Variants in NAV2 observed in about 807,000 individuals in gnomAD.
The protein encoded by NAV2 is helicase, APC down-regulated 1.
In NAV2, 54 loss-of-function variants were observed where a neutral mutation model predicts 223.2. The ratio of observed to expected loss-of-function variants is 0.24; its 90% CI spans 0.19 to 0.30. The LOEUF (loss-of-function observed/expected upper bound fraction) is 0.30. NAV2 is among the 10% of genes least tolerant of loss of function. The pLI is 1.00. For missense variants in NAV2, 2,806 were observed against 3,147.5 expected, an observed-to-expected ratio of 0.89 and a Z score of 2.60; for synonymous variants, 1,279 against 1,239.3, an observed-to-expected ratio of 1.03 and a Z score of -0.67.
intron 1 of NAV2, among the ~76,000 whole-genome samples, chr11:19,495,516 C>G (rs1483310949): frequency 6.6e-6 from 1 of 152,284 alleles, no homozygotes; most frequent in African/African-American, 2.4e-5. Flanking sequence ...TTGCCTAACA[C>G]CTCTAGGTTG....
Position 19,399,189 on chromosome 11 carries a change from T to C in NAV2, c.75+48162T>C, listed in dbSNP as rs930220646. ...AATTAGAAGTCAAAACACAGTTCTG[T>C]GTTCCCCTGTGTCTTAGGCTGAGTG... On this transcript the variant is annotated intron_variant, in intron 1 of 37. Transcript: ENST00000360655. Among the ~76,000 whole-genome samples the C allele has an allele frequency of 2.0e-5, 3 of 152,140 alleles. No homozygotes were observed. In the East Asian group the frequency reaches 5.8e-4, roughly 29 times the overall value.
At chr11:19,966,206 G>A (rs1372252172) in intron 10 of NAV2, among the ~76,000 whole-genome samples, 2 of 152,176 alleles carry the variant, frequency 1.3e-5, no homozygotes, top group African/African-American at 4.8e-5. Context: ...GTGGGAGGAT[G>A]GCAAGGTCAC....
chr11:19,472,894 CAT>C (rs2042006653), intron 1 of NAV2, among the ~76,000 whole-genome samples: 1 of 152,186 alleles, frequency 6.6e-6, no homozygotes, highest in South Asian at 2.1e-4. Context: ...CTGTGCAGTG[CAT>C]TAAAGAACCA....
intron 36 of NAV2, 64 bp from the exon 37 acceptor site, chr11:20,114,528 A>C: frequency 6.6e-7 from 1 of 1,523,348 alleles, no homozygotes; most frequent in Non-Finnish European, 9.0e-7. Context: ...AGAAAGCTGC[A>C]AAACTGGGGC....
At chr11:19,765,211 A>G (rs1384374507) in intron 1 of NAV2, among the ~76,000 whole-genome samples, 2 of 152,220 alleles carry the variant, frequency 1.3e-5, no homozygotes, top group Non-Finnish European at 2.9e-5. Context: ...AATGGCTTAC[A>G]ATTCTGTAGG....
intron 1 of NAV2, among the ~76,000 whole-genome samples, chr11:19,491,953 CAAAGAGAGAGAG>C (rs1474873978): frequency 1.7e-5 from 2 of 120,648 alleles, no homozygotes; most frequent in South Asian, 2.7e-4. Context: ...TAGGGAGACT[CAAAGAGAGAGAG>C]AGAGAGAGAG....
At chr11:20,045,732 T>G in intron 14 of NAV2, 62 bp downstream of exon 14, 2 of 1,373,420 alleles carry the variant, frequency 1.5e-6, no homozygotes, top group Non-Finnish European at 2.0e-6. Context: ...TTTAGTAATT[T>G]CCTGTTTCTT....
At chr11:19,351,863 G>A (rs1344859675) in intron 1 of NAV2, among the ~76,000 whole-genome samples, 2 of 142,338 alleles carry the variant, frequency 1.4e-5, no homozygotes, top group African/African-American at 2.6e-5. Flanking sequence ...AGTGGTGTGG[G>A]TATCCCTCTC....
In NAV2 at chr11:20,044,076, A is replaced by G; in HGVS notation, c.3003A>G (p.Lys1001=). 6.2e-7 allele frequency: 1 copy of G among 1,614,216 alleles called. No homozygotes were observed. The highest frequency in any genetic ancestry group is 1.1e-5 in the South Asian group (1 of 91,086). ...KSDGGSDSGI[K]MEPGSKWRRN... ...ACGGAGGCTCAGACAGCGGCATAAA[A>G]ATGGAGCCAGGTTCCAAGTGGAGGC... is the stretch of plus-strand genomic sequence containing the variant. The change falls in exon 13 of 38, where the codon AAA becomes AAG. Residue 1001 remains lysine (K), a synonymous_variant. Transcript: ENST00000349880.
At chr11:19,873,280 A>G (rs540390487) in intron 4 of NAV2, among the ~76,000 whole-genome samples, 1 of 152,298 alleles carries the variant, frequency 6.6e-6, no homozygotes, top group Non-Finnish European at 1.5e-5. Flanking sequence ...GTTAGTGGTA[A>G]GCACAGGATC....
At chr11:19,577,151 T>C (rs1432467591) in intron 1 of NAV2, among the ~76,000 whole-genome samples, 1 of 152,272 alleles carries the variant, frequency 6.6e-6, no homozygotes, top group Admixed American at 6.5e-5. Flanking sequence ...CACAGCCCTA[T>C]GACGTGGGTC....
At chr11:19,997,506 A>C (rs2052023549) in intron 11 of NAV2, among the ~76,000 whole-genome samples, 1 of 152,154 alleles carries the variant, frequency 6.6e-6, no homozygotes, top group African/African-American at 2.4e-5. Flanking sequence ...AACAATTTTC[A>C]TTCACTGAGC....
At chr11:19,678,413 G>A (rs1013857673) in intron 1 of NAV2, among the ~76,000 whole-genome samples, 2 of 152,122 alleles carry the variant, frequency 1.3e-5, no homozygotes, top group Non-Finnish European at 2.9e-5. Flanking sequence ...CTGTCATCTC[G>A]CTGCAGGATC....
intron 1 of NAV2, among the ~76,000 whole-genome samples, chr11:19,676,867 T>C (rs563206131): frequency 6.6e-6 from 1 of 152,140 alleles, no homozygotes; most frequent in Non-Finnish European, 1.5e-5. Flanking sequence ...GGGATAAAAG[T>C]AGCATTTGGT....
At chr11:19,910,525 G>C (rs181882146) in intron 6 of NAV2, among the ~76,000 whole-genome samples, 5 of 152,216 alleles carry the variant, frequency 3.3e-5, no homozygotes, top group African/African-American at 1.2e-4. Flanking sequence ...AATCAGAGGC[G>C]CCCTGGAGTT....
intron 7 of NAV2, among the ~76,000 whole-genome samples, chr11:19,939,178 G>A (rs1194365838): frequency 6.6e-6 from 1 of 152,142 alleles, no homozygotes; most frequent in African/African-American, 2.4e-5. Flanking sequence ...ACACCTGCTT[G>A]GCACCCACTT....
intron 1 of NAV2, among the ~76,000 whole-genome samples, chr11:19,369,384 T>A (rs1274531126): frequency 2.0e-5 from 3 of 152,220 alleles, no homozygotes; most frequent in Non-Finnish European, 2.9e-5. Context: ...CTTTATAAAA[T>A]GACCACAACT....
chr11:19,411,251 G>A (rs1850132845), intron 1 of NAV2, among the ~76,000 whole-genome samples: 1 of 152,150 alleles, frequency 6.6e-6, no homozygotes. Context: ...TTCAGTTCTG[G>A]ACCACCTTGT....
At chr11:19,548,285 G>A (rs1028620291) in intron 1 of NAV2, among the ~76,000 whole-genome samples, 7 of 152,162 alleles carry the variant, frequency 4.6e-5, no homozygotes, top group African/African-American at 9.7e-5. Flanking sequence ...AAAATCAGAC[G>A]AAGAGAGAAT....
Sources: allele counts gnomAD v4.1 joint callset (sites outside exome capture counted in the v4.1 genomes callset), GRCh38; gene constraint gnomAD v4.1.1; transcripts MANE v1.5; gene names NCBI Gene and HGNC (gene_info 2026-07-23, HGNC 2026-07-21).